The following PRX variants were observed in gnomAD, a reference collection of about 807,000 sequenced individuals.
The protein encoded by PRX is periaxin.
PRX carries 24 observed loss-of-function variants against 29.6 expected under a neutral mutation model. That is an observed-to-expected ratio of 0.81 (90% CI 0.59 to 1.14). PRX has a LOEUF of 1.14. PRX is among the 50% of genes most tolerant of loss of function. The pLI, the probability that PRX is intolerant of heterozygous loss-of-function variation, is 0.00. For missense variants in PRX, 1,838 were observed against 1,926.4 expected (o/e 0.95, Z 0.86); for synonymous variants, 772 against 831.7 (o/e 0.93, Z 1.24).
In PRX at chr19:40,398,147, G is replaced by A; in HGVS notation, c.382-177C>T. The A allele has an allele frequency of 1.4e-6, 2 of 1,433,294 alleles. No homozygotes were observed. Among genetic ancestry groups the A allele is most frequent in the Non-Finnish European group, 1.8e-6 (2 of 1,098,246 alleles). 88.8% of individuals were successfully genotyped at this position (1,433,294 alleles called of 1,614,324 possible). ...TCACCATGAGTGCCCAGGAAAGCAGGCAGCCATCTAGGATCTCCAAATGAG... is the reference window on the plus strand; with the variant it reads ...TCACCATGAGTGCCCAGGAAAGCAGACAGCCATCTAGGATCTCCAAATGAG... On this transcript the variant is annotated intron_variant, in intron 6 of 6. Coordinates refer to ENST00000324001, the MANE Select transcript of PRX (RefSeq NM_181882.3). The surrounding 1 kb of genome is among the most constrained non-coding windows in gnomAD (Gnocchi z 6.3).
At chr19:40,407,709 C>T in intron 4 of PRX, 197 bp downstream of exon 4, 1 of 726,394 alleles carries the variant, frequency 1.4e-6, no homozygotes, top group East Asian at 2.7e-5. Flanking sequence ...TAGCCTGTGC[C>T]AGATGCTGCA....
intron 1 of PRX, among the ~76,000 whole-genome samples, chr19:40,410,228 G>A (rs1195571346): frequency 6.6e-6 from 1 of 152,136 alleles, no homozygotes; most frequent in Non-Finnish European, 1.5e-5. Context: ...CCGACTCTGG[G>A]CTTGTCCTCA....
intron 1 of PRX, among the ~76,000 whole-genome samples, chr19:40,409,924 T>A (rs1303005893): frequency 1.3e-5 from 2 of 152,182 alleles, no homozygotes; most frequent in African/African-American, 4.8e-5. Context: ...GGAAGGGATG[T>A]CACTAGCCCA....
In PRX at chr19:40,395,606, C is replaced by T; in HGVS notation, c.2746G>A (p.Gly916Arg). ...TTTGTCTCTATCATCTCCAGCCGCC[C>T]TTCCTCAATTTCCACGGCGGGCAGC... ...PQLPAVEIEE[G>R]RLEMIETKVK... The change falls in exon 7 of 7, where the codon GGG becomes AGG. Residue 916 changes from glycine to arginine, a missense_variant. This residue lies in a region of PRX where 1,143 missense variants were observed against 1,193.0 expected (regional missense o/e 0.96). Coordinates refer to ENST00000324001, the MANE Select transcript of PRX (RefSeq NM_181882.3). The T allele has an allele frequency of 6.2e-7, 1 of 1,614,238 alleles. No homozygotes were observed. The highest frequency in any genetic ancestry group is 8.5e-7 in the Non-Finnish European group (1 of 1,180,038).
chr19:40,407,212 T>TTGTGTGTGTGTGTGTGTGTGTGTGTG (rs72256185), intron 4 of PRX, among the ~76,000 whole-genome samples: 1 of 133,844 alleles, frequency 7.5e-6, no homozygotes, highest in African/African-American at 2.8e-5. Context: ...TTATATGCCC[T>TTGTGTGTGTGTGTGTGTGTGTGTGTG]TGTGTGTGTG....
chr19:40,408,841 G>T (rs1186358234), intron 1 of PRX, among the ~76,000 whole-genome samples: 1 of 151,544 alleles, frequency 6.6e-6, no homozygotes, highest in Non-Finnish European at 1.5e-5. Context: ...GTGTGTGTGT[G>T]TGTGTGAGAG....
In PRX at chr19:40,394,361, G is replaced by A. The variant is rs1258166233; in HGVS notation, c.3991C>T (p.Leu1331Phe). Reference protein sequence around the residue: ...EEGEKAKSPKLRLPRVGFSQS... With the variant: ...EEGEKAKSPKFRLPRVGFSQS... ...CTGAAGCCCACTCGGGGCAGCCTGA[G>A]TTTGGGGCTCTTGGCCTTCTCACCC... Residue 1331 changes from leucine (L) to phenylalanine (F), a missense_variant, in exon 7 of 7, where the codon CTC becomes TTC. This residue lies in a region of PRX where 1,143 missense variants were observed against 1,193.0 expected (regional missense o/e 0.96). Transcript: ENST00000324001. This position sits in a 1 kb window ranked among gnomAD's most constrained non-coding sequence, Gnocchi z 5.8. The A allele has an allele frequency of 3.1e-6, 5 of 1,604,866 alleles. No individual in the cohort carries two copies. The highest frequency in any genetic ancestry group is 4.3e-6 in the Non-Finnish European group (5 of 1,175,538).
Position 40,394,927 on chromosome 19 carries a change from C to T in PRX, c.3425G>A (p.Gly1142Glu), listed in dbSNP as rs1451102224. 1 of 1,609,700 alleles carries T rather than the reference C, an allele frequency of 6.2e-7. No individual in the cohort carries two copies. Among genetic ancestry groups the T allele is most frequent in the Admixed American group, 1.7e-5 (1 of 60,004 alleles). Residue 1142 changes from glycine to glutamate, a missense_variant, in exon 7 of 7, where the codon GGG (glycine) becomes GAG (glutamate). By Grantham distance (98) the Gly-to-Glu change is moderately conservative (BLOSUM62 -2). Transcript: ENST00000324001. This position sits in a 1 kb window ranked among gnomAD's most constrained non-coding sequence, Gnocchi z 5.8. ...GATGCCCAGCGGAGGCATCCTCAGC[C>T]CCGCGTCATGGCCCTCAGTGACCAC... ...GQVVTEGHDA[G>E]LRMPPLGISL... is the part of the protein sequence containing the mutation.
rs759241041 is a variant in PRX, at chr19:40,397,748, C to A, written c.604G>T (p.Ala202Ser). The A allele has an allele frequency of 6.4e-7, 1 of 1,564,170 alleles. No homozygotes were observed. Among genetic ancestry groups the A allele is most frequent in the East Asian group, 2.3e-5 (1 of 43,008 alleles). ...GCGGCGGCCAGCCGGGCTGCCTGAG[C>A]CTCTTCGGCCACTTCTCGTACACGC... ...RLRVREVAEE[A>S]QAARLAAAAP... Residue 202 changes from alanine (A) to serine (S), a missense_variant, in exon 7 of 7, where the codon GCT becomes TCT. Physicochemically the swap from Ala to Ser is moderately conservative, Grantham distance 99. Coordinates refer to ENST00000324001, the MANE Select transcript of PRX (RefSeq NM_181882.3).
chr19:40,394,770 C>A lies in PRX; in HGVS notation c.3582G>T (p.Leu1194=). 1 of 1,613,640 alleles carries A rather than the reference C, an allele frequency of 6.2e-7. No individual in the cohort carries two copies. The highest frequency in any genetic ancestry group is 8.5e-7 in the Non-Finnish European group (1 of 1,180,018). ...CACCACCTGCAACCTGGGCTCCAGGCAGAGACAGGGTCACCTGGGGCACCT... is the reference window on the plus strand; with the variant it reads ...CACCACCTGCAACCTGGGCTCCAGGAAGAGACAGGGTCACCTGGGGCACCT... ...RVQVPQVTLS[L]PGAQVAGGEL... The change falls in exon 7 of 7, where the codon CTG becomes CTT. Residue 1194 remains leucine (L), a synonymous_variant. Coordinates refer to ENST00000324001, the MANE Select transcript of PRX (RefSeq NM_181882.3). The surrounding 1 kb of genome is among the most constrained non-coding windows in gnomAD (Gnocchi z 5.8).
intron 2 of PRX, 30 bp from the exon 3 acceptor site, chr19:40,408,286 C>T (rs2079541690): frequency 2.2e-6 from 1 of 463,102 alleles, no homozygotes; most frequent in Non-Finnish European, 4.0e-6. Context: ...ATGTGAAGCT[C>T]CAGGCAGGCG....
rs1490334646 is a variant in PRX at position 40,403,791 on chromosome 19, G to T, written c.99C>A (p.Asn33Lys). ...TTCCCTCTTTGCCGCCGCCCGCTAC[G>T]TTGATGCCGCTGACCCCGGTCTGCG... Reference protein sequence around the residue: ...TEAQTGVSGINVAGGGKEGIF... With the variant: ...TEAQTGVSGIKVAGGGKEGIF... The change falls in exon 5 of 7, where the codon AAC (asparagine) becomes AAA (lysine). Residue 33 changes from asparagine to lysine, a missense_variant. Asn to Lys is a moderately conservative substitution (Grantham distance 94). Transcript: ENST00000324001. 6.2e-7 allele frequency: 1 copy of T among 1,607,774 alleles called. No homozygotes were observed. Among genetic ancestry groups the T allele is most frequent in the South Asian group, 1.1e-5 (1 of 90,116 alleles).
rs1555801765 is a variant in PRX, at chr19:40,399,891, CTT to C, written c.185-1077_185-1076del. Among the ~76,000 whole-genome samples, 156 of 68,896 alleles carry C rather than the reference CTT, an allele frequency of 2.3e-3. 1 individual carries two copies. Among genetic ancestry groups the C allele is most frequent in the Middle Eastern group, 0.011 (2 of 174 alleles). 45.2% of individuals were successfully genotyped at this position (68,896 alleles called of 152,430 possible). ...TCTTTCTTTCTTTCTTTCTTTCTTT[CTT>C]TCTTTCTTTCTTTTTCTTTCTTTCT... is the stretch of plus-strand genomic sequence containing the variant. On this transcript the variant is annotated intron_variant, in intron 5 of 6. Transcript: ENST00000324001.
Position 40,398,249 on chromosome 19 carries a change from A to G in PRX, c.382-279T>C. On this transcript the variant is annotated intron_variant, in intron 6 of 6. Transcript: ENST00000324001. The surrounding 1 kb of genome is among the most constrained non-coding windows in gnomAD (Gnocchi z 6.3). ...ATTTTCCCCAACATCCTCATTCTAG[A>G]GATGGGGAAACTGAGGCCCAGGGAG... 1.4e-6 allele frequency: 2 copies of G among 1,413,946 alleles called. No homozygotes were observed. The highest frequency in any genetic ancestry group is 3.2e-5 in the South Asian group (2 of 62,092). The allele number at this position is 1,413,946 out of a possible 1,614,324, so 87.6% of individuals were successfully genotyped here.
chr19:40,395,856 T>C lies in PRX; in HGVS notation c.2496A>G (p.Val832=), dbSNP rs777527307. 1 of 1,614,046 alleles carries C rather than the reference T, an allele frequency of 6.2e-7. No homozygotes were observed. Among genetic ancestry groups the C allele is most frequent in the Non-Finnish European group, 8.5e-7 (1 of 1,180,046 alleles). Residue 832 remains valine, a synonymous_variant, in exon 7 of 7, where the codon GTA becomes GTG. Coordinates refer to ENST00000324001, the MANE Select transcript of PRX (RefSeq NM_181882.3). Reference sequence around the variant, plus strand: ...CCTCTGGCTGCAGACAGGGAAGTGTTACCAGCTTCCCTGAGACCTCAGCAC... The same window carrying C: ...CCTCTGGCTGCAGACAGGGAAGTGTCACCAGCTTCCCTGAGACCTCAGCAC... ...EAGAEVSGKL[V]TLPCLQPEVD...
At position 40,393,776 on chromosome 19, in the gene PRX, G is replaced by T; in HGVS notation, c.*190C>A. 1.2e-6 allele frequency: 1 copy of T among 829,144 alleles called. No individual in the cohort carries two copies. The highest frequency in any genetic ancestry group is 1.9e-6 in the Non-Finnish European group (1 of 534,820). The allele number at this position is 829,144 out of a possible 1,614,324, so 51.4% of individuals were successfully genotyped here. A position where few individuals can be genotyped will look rare whatever the true frequency, so the allele number is the denominator to read the frequency against. On this transcript the variant is annotated 3_prime_UTR_variant, in exon 7 of 7. Coordinates refer to ENST00000324001, the MANE Select transcript of PRX (RefSeq NM_181882.3). Reference sequence around the variant, plus strand: ...GGAGACAAATACATGGCTACTTCCAGATTATTTTATTCACATGGCTTGGTG... The same window carrying T: ...GGAGACAAATACATGGCTACTTCCATATTATTTTATTCACATGGCTTGGTG...
chr19:40,395,098 T>TC lies in PRX; in HGVS notation c.3253dup (p.Glu1085GlyfsTer4). On this transcript the variant is annotated frameshift_variant, in exon 7 of 7. Coordinates refer to ENST00000324001, the MANE Select transcript of PRX (RefSeq NM_181882.3). LOFTEE classifies it low-confidence loss of function (END_TRUNC). Reference sequence around the variant, plus strand: ...CTGCACAGCGGTGGACTCAGCCTTTTCCCCCGGGCTGGCACGATCACCTTG... The same window carrying TC: ...CTGCACAGCGGTGGACTCAGCCTTTTCCCCCCGGGCTGGCACGATCACCTTG... 1 of 1,613,606 alleles carries TC rather than the reference T, an allele frequency of 6.2e-7. No homozygotes were observed.
intron 5 of PRX, among the ~76,000 whole-genome samples, chr19:40,399,744 A>G (rs1005253259): frequency 6.6e-6 from 1 of 152,016 alleles, no homozygotes; most frequent in Non-Finnish European, 1.5e-5. Flanking sequence ...CAGTCTCACT[A>G]TGTTGCCCAG....
chr19:40,399,906 T>TC (rs1555801712), intron 5 of PRX, among the ~76,000 whole-genome samples: 23 of 57,014 alleles, frequency 4.0e-4, no homozygotes, highest in Middle Eastern at 7.9e-3. Context: ...TTTCTTTCTT[T>TC]TTCTTTCTTT....
Sources: gnomAD v4.1 joint callset for allele counts (sites outside exome capture counted in the v4.1 genomes callset) on GRCh38, gnomAD v4.1.1 for gene constraint, gnomAD v4.1.1 regional missense constraint, Gnocchi (gnomAD v3.1) non-coding constraint, MANE v1.5 for transcripts, NCBI Gene and HGNC (gene_info 2026-07-23, HGNC 2026-07-21) for gene names.